The following KIF26B variants were observed in gnomAD, a reference collection of about 807,000 sequenced individuals.
The protein encoded by KIF26B is kinesin family member 26B.
Under a neutral mutation model 151.2 loss-of-function variants are expected in KIF26B, and 63 were observed. The observed-to-expected ratio is 0.42, with a 90% confidence interval of 0.34 to 0.51. The LOEUF (loss-of-function observed/expected upper bound fraction) is 0.51. Ranked by LOEUF, KIF26B falls within the 20% of genes least tolerant of loss-of-function variation. The pLI, the probability that KIF26B is intolerant of heterozygous loss-of-function variation, is 0.07. For missense variants in KIF26B, 2,813 were observed against 2,913.6 expected (o/e 0.97, Z 0.79); for synonymous variants, 1,357 against 1,262.1 (o/e 1.08, Z -1.59).
chr1:245,568,998 G>C (rs902379833), intron 5 of KIF26B, among the ~76,000 whole-genome samples: 3 of 152,146 alleles, frequency 2.0e-5, no homozygotes, highest in African/African-American at 7.2e-5. Context: ...GAACATGATT[G>C]GTTTTGCCCC....
At position 245,702,527 on chromosome 1, in the gene KIF26B, G is replaced by A. The variant is rs761172012; in HGVS notation, c.6248G>A (p.Arg2083His). 1.5e-5 allele frequency: 25 copies of A among 1,613,818 alleles called. No individual in the cohort carries two copies. Among genetic ancestry groups the A allele is most frequent in the Non-Finnish European group, 2.0e-5 (24 of 1,179,890 alleles). The change falls in exon 15 of 15, where the codon CGC becomes CAC. Residue 2083 changes from arginine to histidine, a missense_variant. Coordinates refer to ENST00000407071, the MANE Select transcript of KIF26B (RefSeq NM_018012.4). This position sits in a 1 kb window ranked among gnomAD's most constrained non-coding sequence, Gnocchi z 4.1. Reference protein sequence around the residue: ...YLEALECVTERLESRVNFCKA... With the variant: ...YLEALECVTEHLESRVNFCKA... ...GAGGCACTGGAGTGTGTGACGGAGC[G>A]CCTGGAGAGCCGTGTCAACTTCTGC...
chr1:245,205,630 A>G (rs2103540377), intron 2 of KIF26B, among the ~76,000 whole-genome samples: 1 of 152,070 alleles, frequency 6.6e-6, no homozygotes, highest in African/African-American at 2.4e-5. Context: ...TACTTCCATG[A>G]TGTTCCTGCC....
At chr1:245,309,210 A>G (rs1671617557) in intron 2 of KIF26B, among the ~76,000 whole-genome samples, 1 of 152,180 alleles carries the variant, frequency 6.6e-6, no homozygotes, top group Non-Finnish European at 1.5e-5. Context: ...AATGCTGTCA[A>G]TGACGTTGTG....
intron 4 of KIF26B, among the ~76,000 whole-genome samples, chr1:245,511,891 C>T (rs138231857): frequency 1.0e-3 from 152 of 152,252 alleles, no homozygotes; most frequent in Non-Finnish European, 1.4e-3. Context: ...GAGAAAGGAA[C>T]GGCTATTTAA....
intron 6 of KIF26B, among the ~76,000 whole-genome samples, chr1:245,605,561 G>A (rs2043442515): frequency 6.6e-6 from 1 of 152,190 alleles, no homozygotes; most frequent in Non-Finnish European, 1.5e-5. Context: ...GGCAGTCGCT[G>A]GCTGCCCCTG....
At chr1:245,454,412 C>T (rs542145700) in intron 4 of KIF26B, among the ~76,000 whole-genome samples, 2 of 152,300 alleles carry the variant, frequency 1.3e-5, no homozygotes, top group African/African-American at 4.8e-5. Flanking sequence ...GCAGCCCCTT[C>T]CAAATGCACT....
rs1468627796 is a variant in KIF26B, at chr1:245,702,214, C to A, written c.6179-244C>A. On this transcript the variant is annotated intron_variant, in intron 14 of 14. Coordinates refer to ENST00000407071, the MANE Select transcript of KIF26B (RefSeq NM_018012.4). This position sits in a 1 kb window ranked among gnomAD's most constrained non-coding sequence, Gnocchi z 4.1. ...GGAGGTAGGGGGAGCTAGAATGTCA[C>A]CTTATTGGTCAGTAGAATCTCAGAA... Among the ~76,000 whole-genome samples, 1 of 152,100 alleles carries A rather than the reference C, an allele frequency of 6.6e-6. No individual in the cohort carries two copies. Among genetic ancestry groups the A allele is most frequent in the Non-Finnish European group, 1.5e-5 (1 of 68,008 alleles).
chr1:245,171,210 A>G (rs1177566981), intron 2 of KIF26B, among the ~76,000 whole-genome samples: 1 of 152,230 alleles, frequency 6.6e-6, no homozygotes, highest in African/African-American at 2.4e-5. Context: ...TCAGCACATT[A>G]TATCTCTTCA....
intron 4 of KIF26B, among the ~76,000 whole-genome samples, chr1:245,444,150 G>A (rs34926102): frequency 3.4e-5 from 5 of 148,068 alleles, no homozygotes; most frequent in Non-Finnish European, 6.0e-5. Context: ...CACCTAGAGC[G>A]GTCATCTCCC....
rs533113889 is a variant in KIF26B, at chr1:245,293,331, G to T, written c.466-73503G>T. Among the ~76,000 whole-genome samples, 38 of 152,122 alleles carry T rather than the reference G, an allele frequency of 2.5e-4. 1 individual carries two copies. In the South Asian group the frequency reaches 6.4e-3, roughly 26 times the overall value. On this transcript the variant is annotated intron_variant, in intron 2 of 14. Coordinates refer to ENST00000407071, the MANE Select transcript of KIF26B (RefSeq NM_018012.4). ...TATGCTGCAGGAGGGGGTGGTTGAC[G>T]GCCACAGGAGATGTTGTGGGGTTGG...
rs540814441 is a variant in KIF26B, at chr1:245,484,493, A to G, written c.1167-56274A>G. Among the ~76,000 whole-genome samples the G allele has an allele frequency of 2.7e-4, 41 of 151,910 alleles. 1 individual carries two copies. The highest frequency in any genetic ancestry group is 8.2e-4 in the African/African-American group (34 of 41,522). ...TTCTCTAAGACATTTGATGGTGACCAGGCACTCCACTCGTCCATGTAGTTT... is the reference window on the plus strand; with the variant it reads ...TTCTCTAAGACATTTGATGGTGACCGGGCACTCCACTCGTCCATGTAGTTT... On this transcript the variant is annotated intron_variant, in intron 4 of 14. Coordinates refer to ENST00000407071, the MANE Select transcript of KIF26B (RefSeq NM_018012.4).
At chr1:245,459,313 G>T (rs1045614661) in intron 4 of KIF26B, among the ~76,000 whole-genome samples, 1 of 152,116 alleles carries the variant, frequency 6.6e-6, no homozygotes, top group Non-Finnish European at 1.5e-5. Flanking sequence ...TACTGTTTCT[G>T]GTAGGTCCAG....
At chr1:245,502,854 T>C (rs1660650895) in intron 4 of KIF26B, among the ~76,000 whole-genome samples, 1 of 151,474 alleles carries the variant, frequency 6.6e-6, no homozygotes, top group South Asian at 2.1e-4. Flanking sequence ...AAGAAGCTTA[T>C]GGTGAACTTT....
Position 245,571,925 on chromosome 1 carries a change from G to A in KIF26B, c.1351-30652G>A, listed in dbSNP as rs562127914. Among the ~76,000 whole-genome samples the A allele has an allele frequency of 8.5e-5, 13 of 152,288 alleles. No homozygotes were observed. In the South Asian group the frequency reaches 2.1e-3, roughly 24 times the overall value. On this transcript the variant is annotated intron_variant, in intron 5 of 14. Transcript: ENST00000407071. Reference sequence around the variant, plus strand: ...CTACCATCAAAGGGGCTAATCGTCCGAGTGACAGACACGCATGGCTGGCTT... The same window carrying A: ...CTACCATCAAAGGGGCTAATCGTCCAAGTGACAGACACGCATGGCTGGCTT...
At chr1:245,510,609 TCTCTC>T (rs1660812798) in intron 4 of KIF26B, among the ~76,000 whole-genome samples, 1 of 150,754 alleles carries the variant, frequency 6.6e-6, no homozygotes, top group Non-Finnish European at 1.5e-5. Context: ...TCTCTCTCTC[TCTCTC>T]TTCCCCTCTC....
intron 5 of KIF26B, among the ~76,000 whole-genome samples, chr1:245,541,961 G>A (rs1460424592): frequency 2.0e-5 from 3 of 151,966 alleles, no homozygotes; most frequent in Admixed American, 6.6e-5. Flanking sequence ...AGTTTCTCCC[G>A]TGTCCTTCCA....
intron 2 of KIF26B, among the ~76,000 whole-genome samples, chr1:245,340,458 AC>A (rs1301136312): frequency 6.6e-6 from 1 of 151,754 alleles, no homozygotes; most frequent in East Asian, 1.9e-4. Context: ...TGTGGAACCC[AC>A]GGATACAGAT....
intron 2 of KIF26B, among the ~76,000 whole-genome samples, chr1:245,339,160 A>G (rs1422093125): frequency 6.6e-6 from 1 of 151,820 alleles, no homozygotes; most frequent in East Asian, 1.9e-4. Flanking sequence ...TTGTATTTTT[A>G]GTAGAGACGG....
chr1:245,684,492 C>T (rs922101104), intron 11 of KIF26B, 97 bp downstream of exon 11: 2 of 1,245,840 alleles, frequency 1.6e-6, no homozygotes, highest in South Asian at 1.5e-5. Flanking sequence ...CGTTGCCAAT[C>T]CCCCAGCATC....
Sources: allele counts gnomAD v4.1 joint callset (sites outside exome capture counted in the v4.1 genomes callset), GRCh38; gene constraint gnomAD v4.1.1; non-coding constraint Gnocchi (gnomAD v3.1); transcripts MANE v1.5; gene names NCBI Gene and HGNC (gene_info 2026-07-23, HGNC 2026-07-21).